KIF19: variants seen among roughly 807,000 people sequenced by gnomAD.
KIF19 encodes kinesin family member 19, also known as kinesin-like protein KIF19.
A neutral mutation model predicts 106.6 loss-of-function variants in KIF19; 98 were observed. That is an observed-to-expected ratio of 0.92 (90% CI 0.78 to 1.09). The LOEUF (loss-of-function observed/expected upper bound fraction) is 1.09, where lower values mean the gene tolerates loss of function less well. KIF19 is among the 50% of genes least tolerant of loss of function. The pLI is 0.00. For missense variants in KIF19, 1,373 were observed against 1,414.3 expected (o/e 0.97, Z 0.47); for synonymous variants, 516 against 584.2 (o/e 0.88, Z 1.68).
At chr17:74,344,138 A>G (rs747481037) in intron 5 of KIF19, 85 bp from the exon 6 acceptor site, 21 of 1,307,272 alleles carry the variant, frequency 1.6e-5, no homozygotes, top group Middle Eastern at 1.9e-4. Context: ...CCTTTCCTGC[A>G]CGAAAGGAAA....
At chr17:74,342,590 C>T (rs372766186) in intron 3 of KIF19, 40 bp from the exon 4 acceptor site, 19 of 1,526,474 alleles carry the variant, frequency 1.2e-5, no homozygotes, top group African/African-American at 5.5e-5. Context: ...TGCTGTGCCC[C>T]GCCTGTGTCC....
rs779209646 is a variant in KIF19 at position 74,354,427 on chromosome 17, C to T, written c.2574C>T (p.Val858=). ...CGGGCGAGGCCCCGTCCCGGGCAGTCGGACATCATGGGGACGGCCCCAGGC... is the reference window on the plus strand; with the variant it reads ...CGGGCGAGGCCCCGTCCCGGGCAGTTGGACATCATGGGGACGGCCCCAGGC... The part of the protein sequence containing the change: ...SSTGEAPSRA[V]GHHGDGPRPW... The change falls in exon 18 of 20, where the codon GTC becomes GTT. Residue 858 remains valine (V), a synonymous_variant. Coordinates refer to ENST00000389916, the MANE Select transcript of KIF19 (RefSeq NM_153209.4). 7 of 1,611,142 alleles carry T rather than the reference C, an allele frequency of 4.3e-6. No individual in the cohort carries two copies. The highest frequency in any genetic ancestry group is 3.3e-5 in the Admixed American group (2 of 59,780).
At chr17:74,354,077 C>G in intron 17 of KIF19, 85 bp from the exon 18 acceptor site, 2 of 1,447,436 alleles carry the variant, frequency 1.4e-6, no homozygotes, top group Non-Finnish European at 1.9e-6. Flanking sequence ...GGAGGTCTGG[C>G]TCCTACCCAC....
chr17:74,343,260 T>C, intron 5 of KIF19, 100 bp downstream of exon 5: 1 of 1,206,456 alleles, frequency 8.3e-7, no homozygotes, highest in Non-Finnish European at 1.2e-6. Flanking sequence ...CCCTCCTGCA[T>C]GCCTACTGTG....
At chr17:74,327,619 T>C (rs996773516) in intron 1 of KIF19, among the ~76,000 whole-genome samples, 1 of 152,176 alleles carries the variant, frequency 6.6e-6, no homozygotes, top group African/African-American at 2.4e-5. Flanking sequence ...ATAACAGGCA[T>C]GCACCACCAC....
Position 74,344,242 on chromosome 17 carries a change from G to A in KIF19, c.476G>A (p.Arg159Gln), listed in dbSNP as rs749729692. 15 of 1,612,394 alleles carry A rather than the reference G, an allele frequency of 9.3e-6. No homozygotes were observed. Among genetic ancestry groups the A allele is most frequent in the East Asian group, 4.5e-5 (2 of 44,844 alleles). The part of the protein sequence containing the change: ...SYLEIYNEMI[R>Q]DLLNPSLGYL... ...CGTCAGATCTACAATGAGATGATCC[G>A]GGACCTGCTGAACCCCTCCCTGGGC... is the stretch of plus-strand genomic sequence containing the variant. Residue 159 changes from arginine (R) to glutamine (Q), a missense_variant, in exon 6 of 20, where the codon CGG (arginine) becomes CAG (glutamine). Physicochemically the swap from Arg to Gln is conservative, Grantham distance 43. Transcript: ENST00000389916.
chr17:74,350,730 G>A lies in KIF19; in HGVS notation c.1412G>A (p.Arg471Gln), dbSNP rs753897428. The change falls in exon 12 of 20, where the codon CGG (arginine) becomes CAG (glutamine). Residue 471 changes from arginine (R) to glutamine (Q), a missense_variant. Arg to Gln is a conservative substitution (Grantham distance 43, BLOSUM62 1). Around this residue, in one of 3 missense-constraint regions of KIF19, gnomAD observed 1,020 missense variants for 1,008.2 expected, o/e 1.01. Coordinates refer to ENST00000389916, the MANE Select transcript of KIF19 (RefSeq NM_153209.4). ...IAGWKHEKSR[R>Q]ALKWREEQRK... ...AGCTGGAAGCATGAGAAGTCCCGCC[G>A]GGCCCTCAAATGGCGGGAGGAGCAG... 21 of 1,613,766 alleles carry A rather than the reference G, an allele frequency of 1.3e-5. No individual in the cohort carries two copies. The South Asian group carries it at 1.5e-4, about 12-fold the overall frequency.
intron 9 of KIF19, 110 bp downstream of exon 9, chr17:74,348,009 A>G: frequency 7.8e-7 from 1 of 1,278,432 alleles, no homozygotes; most frequent in Non-Finnish European, 1.1e-6. Context: ...CCACTGCTGC[A>G]CTGGCCTCAT....
At position 74,354,393 on chromosome 17, in the gene KIF19, C is replaced by G. The variant is rs779765435; in HGVS notation, c.2540C>G (p.Ser847Cys). 91 of 1,610,382 alleles carry G rather than the reference C, an allele frequency of 5.7e-5. No individual in the cohort carries two copies. Among genetic ancestry groups the G allele is most frequent in the Non-Finnish European group, 7.6e-5 (90 of 1,178,976 alleles). Residue 847 changes from serine (S) to cysteine (C), a missense_variant, in exon 18 of 20, where the codon TCC becomes TGC. Physicochemically the swap from Ser to Cys is moderately radical, Grantham distance 112 (BLOSUM62 -1). Coordinates refer to ENST00000389916, the MANE Select transcript of KIF19 (RefSeq NM_153209.4). ...LQHAASEDNLSSSTGEAPSRA... is the reference protein window; with the variant it reads ...LQHAASEDNLCSSTGEAPSRA... Reference sequence around the variant, plus strand: ...CATGCTGCCAGTGAGGACAACCTGTCCAGCAGCACGGGCGAGGCCCCGTCC... The same window carrying G: ...CATGCTGCCAGTGAGGACAACCTGTGCAGCAGCACGGGCGAGGCCCCGTCC...
intron 2 of KIF19, among the ~76,000 whole-genome samples, chr17:74,339,049 G>C (rs1274324315): frequency 6.6e-6 from 1 of 151,974 alleles, no homozygotes; most frequent in Non-Finnish European, 1.5e-5. Flanking sequence ...CCTGCCCGCT[G>C]TTAGGACTCA....
At chr17:74,335,789 T>A (rs1567900874) in intron 2 of KIF19, among the ~76,000 whole-genome samples, 2 of 152,198 alleles carry the variant, frequency 1.3e-5, no homozygotes, top group East Asian at 3.9e-4. Flanking sequence ...GAGAATGCAT[T>A]CCCCGGGGGG....
At chr17:74,342,438 C>G (rs2054407560) in intron 3 of KIF19, among the ~76,000 whole-genome samples, 192 bp from the exon 4 acceptor site, 2 of 152,170 alleles carry the variant, frequency 1.3e-5, no homozygotes, top group Non-Finnish European at 2.9e-5. Flanking sequence ...GTCCTGGGCT[C>G]TCTTTCAGCC....
chr17:74,342,623 C>T lies in KIF19; in HGVS notation c.232-7C>T, dbSNP rs767908881. 2 of 1,612,506 alleles carry T rather than the reference C, an allele frequency of 1.2e-6. No homozygotes were observed. The highest frequency in any genetic ancestry group is 2.2e-5 in the South Asian group (2 of 91,060). On this transcript the variant is annotated splice_polypyrimidine_tract_variant and splice_region_variant and intron_variant, in intron 3 of 19. Coordinates refer to ENST00000389916, the MANE Select transcript of KIF19 (RefSeq NM_153209.4). ...TCCCGGCCCCTGACAGGCTTCCTTC[C>T]TCGCAGGAGATGGTGTATCAGGCCA... is the stretch of plus-strand genomic sequence containing the variant.
rs201048265 is a variant in KIF19, at chr17:74,354,307, C to T, written c.2454C>T (p.Gly818=). The change falls in exon 18 of 20, where the codon GGC becomes GGT. Residue 818 remains glycine, a synonymous_variant. Coordinates refer to ENST00000389916, the MANE Select transcript of KIF19 (RefSeq NM_153209.4). ...SSLSLHSLSE[G]DDARPPGPLA... ...TGTCCCTGCACTCACTGAGCGAGGG[C>T]GACGATGCGCGGCCACCAGGCCCAC... 335 of 1,608,110 alleles carry T rather than the reference C, an allele frequency of 2.1e-4. 1 individual carries two copies. The African/African-American group carries it at 3.9e-3, about 19-fold the overall frequency.
chr17:74,339,827 C>T (rs1567904846), intron 2 of KIF19, among the ~76,000 whole-genome samples: 1 of 152,220 alleles, frequency 6.6e-6, no homozygotes, highest in Non-Finnish European at 1.5e-5. Context: ...GGGGGTGGTG[C>T]ATGAGGACAG....
In KIF19 at chr17:74,354,801, A is replaced by G. The variant is rs1598402888; in HGVS notation, c.2726A>G (p.His909Arg). 5 of 1,557,872 alleles carry G rather than the reference A, an allele frequency of 3.2e-6. No homozygotes were observed. The highest frequency in any genetic ancestry group is 2.7e-5 in the African/African-American group (2 of 73,100). The change falls in exon 19 of 20, where the codon CAC becomes CGC. Residue 909 changes from histidine to arginine, a missense_variant. By Grantham distance (29) the His-to-Arg change is conservative. This residue lies in a region of KIF19 where 1,020 missense variants were observed against 1,008.2 expected (regional missense o/e 1.01). Coordinates refer to ENST00000389916, the MANE Select transcript of KIF19 (RefSeq NM_153209.4). ...TGQGLSHPKT[H>R]LLGPHQAERI... Reference sequence around the variant, plus strand: ...TCACAGCTCTCCCACCCCAAGACACACCTCCTGGGGCCCCATCAGGCGGAG... The same window carrying G: ...TCACAGCTCTCCCACCCCAAGACACGCCTCCTGGGGCCCCATCAGGCGGAG...
chr17:74,343,009 C>T lies in KIF19; in HGVS notation c.320-15C>T, dbSNP rs1238353603. 6.3e-7 allele frequency: 1 copy of T among 1,592,536 alleles called. No individual in the cohort carries two copies. The highest frequency in any genetic ancestry group is 8.5e-7 in the Non-Finnish European group (1 of 1,171,064). On this transcript the variant is annotated splice_polypyrimidine_tract_variant and intron_variant, in intron 4 of 19. Coordinates refer to ENST00000389916, the MANE Select transcript of KIF19 (RefSeq NM_153209.4). ...CAGCCCCACCCCGGTCACCCTCCAC[C>T]TTGTTCTGCCCCAGGCTGTGGGAAA...
At chr17:74,342,830 C>T in intron 4 of KIF19, 113 bp downstream of exon 4, 1 of 1,239,986 alleles carries the variant, frequency 8.1e-7, no homozygotes, top group South Asian at 1.3e-5. Flanking sequence ...GGTCGCTCCA[C>T]ATCTCACCCA....
At chr17:74,332,220 G>GTT (rs1334224613) in intron 2 of KIF19, among the ~76,000 whole-genome samples, 11 of 131,260 alleles carry the variant, frequency 8.4e-5, no homozygotes, top group Non-Finnish European at 1.5e-4. Context: ...TTGTGTGTGT[G>GTT]TGTGTGTGTG....
Sources: allele counts gnomAD v4.1 joint callset (sites outside exome capture counted in the v4.1 genomes callset), GRCh38; gene constraint gnomAD v4.1.1; regional missense constraint gnomAD v4.1.1; transcripts MANE v1.5; gene names NCBI Gene and HGNC (gene_info 2026-07-23, HGNC 2026-07-21).